Variants in KIAA1755 observed in about 807,000 individuals in gnomAD.
The protein encoded by KIAA1755 is KIAA1755.
Under a neutral mutation model 91.7 loss-of-function variants are expected in KIAA1755, and 68 were observed. That is an observed-to-expected ratio of 0.74 (90% CI 0.61 to 0.91). The LOEUF is 0.91. KIAA1755 is among the 40% of genes least tolerant of loss of function. The pLI is 0.00. For missense variants in KIAA1755, 1,535 were observed against 1,494.4 expected, an observed-to-expected ratio of 1.03 and a Z score of -0.45; for synonymous variants, 610 against 604.6, an observed-to-expected ratio of 1.01 and a Z score of -0.13.
rs759481344 is a variant in KIAA1755, at chr20:38,241,474, C to G, written c.657G>C (p.Gln219His). The change falls in exon 3 of 14, where the codon CAG becomes CAC. Residue 219 changes from glutamine (Q) to histidine (H), a missense_variant. Coordinates refer to ENST00000279024, the MANE Select transcript of KIAA1755 (RefSeq NM_001029864.2). ...LDLSSPQELH[Q>H]ASSPDNQVLP... The stretch of plus-strand genomic sequence containing the variant: ...GCACCTGGTTGTCTGGGGAGCTGGC[C>G]TGGTGCAACTCTTGAGGGCTGCTCA... 6.2e-7 allele frequency: 1 copy of G among 1,614,234 alleles called. No homozygotes were observed. The highest frequency in any genetic ancestry group is 8.5e-7 in the Non-Finnish European group (1 of 1,180,038).
At chr20:38,232,462 TA>T (rs1190342460) in intron 4 of KIAA1755, among the ~76,000 whole-genome samples, 1 of 151,578 alleles carries the variant, frequency 6.6e-6, no homozygotes, top group African/African-American at 2.4e-5. Context: ...CCGTCTCTAC[TA>T]AAAAATACAA....
At chr20:38,231,820 G>A (rs140024751) in intron 4 of KIAA1755, among the ~76,000 whole-genome samples, 33 of 152,344 alleles carry the variant, frequency 2.2e-4, no homozygotes, top group African/African-American at 6.7e-4. Flanking sequence ...ATCGTTGGTC[G>A]TTACAATGAT....
rs139229061 is a variant in KIAA1755 at position 38,248,681 on chromosome 20, T to TTTA, written c.4-2558_4-2556dup. Among the ~76,000 whole-genome samples, 1,225 of 144,808 alleles carry TTTA rather than the reference T, an allele frequency of 8.5e-3. 16 individuals are homozygous for TTTA. Among genetic ancestry groups the TTTA allele is most frequent in the East Asian group, 0.039 (193 of 4,966 alleles). 95.0% of individuals were successfully genotyped at this position (144,808 alleles called of 152,430 possible). ...TTTCTTTTCCTTTTCTTGTCTTCTC[T>TTTA]TTATTATTATTATTATTATTATTAT... On this transcript the variant is annotated intron_variant, in intron 1 of 13. Coordinates refer to ENST00000279024, the MANE Select transcript of KIAA1755 (RefSeq NM_001029864.2).
intron 10 of KIAA1755, among the ~76,000 whole-genome samples, chr20:38,221,787 G>A (rs948014688): frequency 2.0e-5 from 3 of 152,194 alleles, no homozygotes; most frequent in African/African-American, 7.2e-5. Flanking sequence ...TGTTCTAAGA[G>A]GGTGAAAATA....
rs150576511 is a variant in KIAA1755, at chr20:38,239,578, A to G, written c.1697T>C (p.Ile566Thr). The change falls in exon 4 of 14, where the codon ATT becomes ACT. Residue 566 changes from isoleucine to threonine, a missense_variant. Transcript: ENST00000279024. Reference protein sequence around the residue: ...EEEPPGPEPRIGALGVKVFRS... With the variant: ...EEEPPGPEPRTGALGVKVFRS... The stretch of plus-strand genomic sequence containing the variant: ...GAAAACCTTGACACCTAGAGCCCCA[A>G]TCCTGGGCTCAGGCCCTGGGGGCTC... 1.6e-4 allele frequency: 263 copies of G among 1,612,466 alleles called. No individual in the cohort carries two copies. The highest frequency in any genetic ancestry group is 3.2e-4 in the Admixed American group (19 of 59,716).
intron 13 of KIAA1755, among the ~76,000 whole-genome samples, chr20:38,215,549 G>C (rs1171665907): frequency 6.6e-6 from 1 of 152,218 alleles, no homozygotes; most frequent in South Asian, 2.1e-4. Context: ...ACAGGGTGAC[G>C]AGAGAGAACC....
In KIAA1755 at chr20:38,241,249, T is replaced by C. The variant is rs1555826687; in HGVS notation, c.882A>G (p.Ala294=). 1 of 1,614,052 alleles carries C rather than the reference T, an allele frequency of 6.2e-7. No homozygotes were observed. The highest frequency in any genetic ancestry group is 1.1e-5 in the South Asian group (1 of 91,080). ...ESRGESPSRE[A]GTSSGCTSGA... ...CAGAAGTACACCCACTGGATGTGCC[T>C]GCCTCCCTACTGGGAGACTCTCCTC... is the stretch of plus-strand genomic sequence containing the variant. Residue 294 remains alanine, a synonymous_variant, in exon 3 of 14, where the codon GCA becomes GCG. Coordinates refer to ENST00000279024, the MANE Select transcript of KIAA1755 (RefSeq NM_001029864.2).
Position 38,213,467 on chromosome 20 carries a change from C to T in KIAA1755, c.3178G>A (p.Ala1060Thr). The T allele has an allele frequency of 6.2e-7, 1 of 1,605,452 alleles. No homozygotes were observed. The highest frequency in any genetic ancestry group is 8.5e-7 in the Non-Finnish European group (1 of 1,176,110). The change falls in exon 14 of 14, where the codon GCT (alanine) becomes ACT (threonine). Residue 1060 changes from alanine to threonine, a missense_variant. Coordinates refer to ENST00000279024, the MANE Select transcript of KIAA1755 (RefSeq NM_001029864.2). Reference sequence around the variant, plus strand: ...GGGCGCGCTGAGTGAGCAGCTGGAGCCTCTGGGCAAGAGCTGTGGGTCAGT... The same window carrying T: ...GGGCGCGCTGAGTGAGCAGCTGGAGTCTCTGGGCAAGAGCTGTGGGTCAGT... ...KALTHSSCPE[A>T]PAAHSARPER...
At chr20:38,239,817 A>G in intron 3 of KIAA1755, 92 bp from the exon 4 acceptor site, 1 of 1,154,898 alleles carries the variant, frequency 8.7e-7, no homozygotes, top group South Asian at 1.3e-5. Context: ...CTGACTAATA[A>G]TAGCTTACAA....
chr20:38,217,217 C>A, intron 13 of KIAA1755, 36 bp downstream of exon 13: 1 of 1,528,370 alleles, frequency 6.5e-7, no homozygotes, highest in Non-Finnish European at 8.9e-7. Flanking sequence ...GCCAGGGGAT[C>A]GGGGGGTATC....
chr20:38,240,213 G>A (rs2076030861), intron 3 of KIAA1755, among the ~76,000 whole-genome samples: 1 of 152,094 alleles, frequency 6.6e-6, no homozygotes, highest in Admixed American at 6.5e-5. Context: ...TGGGATTACA[G>A]GATAAGCCTC....
Position 38,212,997 on chromosome 20 carries a change from G to C in KIAA1755, c.*45C>G. 3 of 1,463,520 alleles carry C rather than the reference G, an allele frequency of 2.0e-6. No homozygotes were observed. The highest frequency in any genetic ancestry group is 2.8e-6 in the Non-Finnish European group (3 of 1,089,304). The allele number at this position is 1,463,520 out of a possible 1,614,324, so 90.7% of individuals were successfully genotyped here. On this transcript the variant is annotated 3_prime_UTR_variant, in exon 14 of 14. Transcript: ENST00000279024. ...CCAGCTACCCCTCCAGCTGGGCCCT[G>C]GCCCAGTGCTCCTGGAGGCTGGTGC...
intron 1 of KIAA1755, among the ~76,000 whole-genome samples, chr20:38,248,813 C>T (rs545575621): frequency 2.0e-5 from 3 of 151,908 alleles, no homozygotes; most frequent in Admixed American, 2.0e-4. Context: ...ATTCTCCTGC[C>T]TCAGCCCGAG....
In KIAA1755 at chr20:38,241,471, G is replaced by A; in HGVS notation, c.660C>T (p.Ala220=). The A allele has an allele frequency of 1.2e-6, 2 of 1,614,222 alleles. No individual in the cohort carries two copies. Among genetic ancestry groups the A allele is most frequent in the East Asian group, 2.2e-5 (1 of 44,890 alleles). Reference sequence around the variant, plus strand: ...GAAGCACCTGGTTGTCTGGGGAGCTGGCCTGGTGCAACTCTTGAGGGCTGC... The same window carrying A: ...GAAGCACCTGGTTGTCTGGGGAGCTAGCCTGGTGCAACTCTTGAGGGCTGC... ...DLSSPQELHQ[A]SSPDNQVLPA... Residue 220 remains alanine, a synonymous_variant, in exon 3 of 14, where the codon GCC becomes GCT. Coordinates refer to ENST00000279024, the MANE Select transcript of KIAA1755 (RefSeq NM_001029864.2).
chr20:38,243,006 G>T (rs1001187699), intron 2 of KIAA1755, among the ~76,000 whole-genome samples: 1 of 152,230 alleles, frequency 6.6e-6, no homozygotes, highest in Non-Finnish European at 1.5e-5. Context: ...ATCCCTCTCA[G>T]TTGAGCCTGT....
chr20:38,224,737 C>T (rs1418979548), intron 8 of KIAA1755, among the ~76,000 whole-genome samples: 5 of 152,160 alleles, frequency 3.3e-5, no homozygotes, highest in African/African-American at 4.8e-5. Context: ...GGACCCGGGG[C>T]GGGCATTGAT....
chr20:38,235,200 A>G (rs2075939276), intron 4 of KIAA1755, among the ~76,000 whole-genome samples: 1 of 152,210 alleles, frequency 6.6e-6, no homozygotes, highest in Non-Finnish European at 1.5e-5. Flanking sequence ...AAGGATTTCA[A>G]AGATCTATAT....
Position 38,223,551 on chromosome 20 carries a change from G to A in KIAA1755, c.2255C>T (p.Pro752Leu), listed in dbSNP as rs1236602288. Residue 752 changes from proline (P) to leucine (L), a missense_variant, in exon 9 of 14, where the codon CCT (proline) becomes CTT (leucine). Coordinates refer to ENST00000279024, the MANE Select transcript of KIAA1755 (RefSeq NM_001029864.2). ...CTCCAGGCTCACCTGCATCCCCCCAGGGGGGTCGGCCTTCTCGAATTCCTC... is the reference window on the plus strand; with the variant it reads ...CTCCAGGCTCACCTGCATCCCCCCAAGGGGGTCGGCCTTCTCGAATTCCTC... ...SIEEFEKADP[P>L]GGMQEATRCL... The A allele has an allele frequency of 3.1e-6, 5 of 1,594,180 alleles. No individual in the cohort carries two copies. The highest frequency in any genetic ancestry group is 4.3e-6 in the Non-Finnish European group (5 of 1,171,878).
intron 1 of KIAA1755, among the ~76,000 whole-genome samples, chr20:38,251,331 A>AT (rs1232002758): frequency 1.3e-5 from 2 of 152,096 alleles, no homozygotes; most frequent in African/African-American, 4.8e-5. Context: ...TGTCCATCAC[A>AT]TGGTTCCATG....
Sources: allele counts gnomAD v4.1 joint callset (sites outside exome capture counted in the v4.1 genomes callset), GRCh38; gene constraint gnomAD v4.1.1; transcripts MANE v1.5; gene names NCBI Gene and HGNC (gene_info 2026-07-23, HGNC 2026-07-21).